Variants in PCCA observed in about 807,000 individuals in gnomAD.
PCCA encodes the protein propionyl-CoA carboxylase subunit alpha.
In PCCA, 74 loss-of-function variants were observed where a neutral mutation model predicts 101.3. The ratio of observed to expected loss-of-function variants is 0.73; its 90% confidence interval spans 0.61 to 0.89. PCCA has a LOEUF of 0.89. PCCA is among the 40% of genes least tolerant of loss of function. PCCA has a pLI of 0.00. For missense variants in PCCA, 891 were observed against 907.0 expected, an observed-to-expected ratio of 0.98 and a Z score of 0.23; for synonymous variants, 294 against 313.6, an observed-to-expected ratio of 0.94 and a Z score of 0.66.
intron 21 of PCCA, among the ~76,000 whole-genome samples, chr13:100,485,046 T>C (rs1190069954): frequency 2.6e-5 from 4 of 152,168 alleles, no homozygotes; most frequent in African/African-American, 7.2e-5. Flanking sequence ...TCCTGCCCTC[T>C]CTCTCTCTCT....
chr13:100,147,531 A>G (rs2052730741), intron 4 of PCCA, among the ~76,000 whole-genome samples: 1 of 152,180 alleles, frequency 6.6e-6, no homozygotes, highest in South Asian at 2.1e-4. Context: ...TTCAGTGGAG[A>G]TTATTTCCCA....
At chr13:100,525,515 G>A (rs1480488417) in intron 22 of PCCA, among the ~76,000 whole-genome samples, 1 of 152,248 alleles carries the variant, frequency 6.6e-6, no homozygotes, top group Non-Finnish European at 1.5e-5. Flanking sequence ...TAGAGCTGTA[G>A]CCAGGTCAGG....
intron 19 of PCCA, among the ~76,000 whole-genome samples, chr13:100,410,559 G>T (rs545993301): frequency 6.6e-6 from 1 of 152,306 alleles, no homozygotes; most frequent in South Asian, 2.1e-4. Flanking sequence ...AAATTGTAAA[G>T]TCTACACACA....
At chr13:100,501,463 A>C (rs1176849562) in intron 21 of PCCA, among the ~76,000 whole-genome samples, 1 of 152,202 alleles carries the variant, frequency 6.6e-6, no homozygotes, top group East Asian at 1.9e-4. Flanking sequence ...AAGCCTTCTC[A>C]TGGACATGAG....
Position 100,340,170 on chromosome 13 carries a change from C to G in PCCA, c.1554C>G (p.Thr518=). ...GATTTCCCTCAGGACACATGCTAAC[C>G]AAGAGTGAGAAGAACCAGTTATTGG... ...YPDGFKGHML[T]KSEKNQLLAI... is the part of the protein sequence containing the mutation. Residue 518 remains threonine, a synonymous_variant, in exon 18 of 24, where the codon ACC becomes ACG. Transcript: ENST00000376285. 2 of 1,591,212 alleles carry G rather than the reference C, an allele frequency of 1.3e-6. No homozygotes were observed. The highest frequency in any genetic ancestry group is 1.7e-6 in the Non-Finnish European group (2 of 1,159,110).
intron 21 of PCCA, among the ~76,000 whole-genome samples, chr13:100,465,501 T>C (rs1330380322): frequency 6.6e-6 from 1 of 152,256 alleles, no homozygotes; most frequent in Non-Finnish European, 1.5e-5. Flanking sequence ...AGTTTACTTA[T>C]CATCTGTATA....
chr13:100,194,111 T>C (rs1474466790), intron 6 of PCCA, among the ~76,000 whole-genome samples: 1 of 152,024 alleles, frequency 6.6e-6, no homozygotes, highest in East Asian at 1.9e-4. Flanking sequence ...TATTTTAATA[T>C]TTTGCTCAGT....
At chr13:100,186,665 A>G (rs2057291946) in intron 6 of PCCA, among the ~76,000 whole-genome samples, 1 of 147,518 alleles carries the variant, frequency 6.8e-6, no homozygotes, top group Admixed American at 7.0e-5. Context: ...TCACTTGAAC[A>G]GGGAGGTGGA....
intron 16 of PCCA, among the ~76,000 whole-genome samples, chr13:100,319,287 C>T (rs2067735927): frequency 6.6e-6 from 1 of 151,986 alleles, no homozygotes; most frequent in Admixed American, 6.6e-5. Flanking sequence ...CTGTAGGTTG[C>T]CTGTTCACTC....
chr13:100,239,053 A>G (rs550053319), intron 8 of PCCA, among the ~76,000 whole-genome samples: 1 of 152,190 alleles, frequency 6.6e-6, no homozygotes, highest in Non-Finnish European at 1.5e-5. Context: ...ACATTAATCT[A>G]TGCTGCCAAA....
rs1276880299 is a variant in PCCA at position 100,268,549 on chromosome 13, A to C, written c.820-140A>C. ...TAGTTTTCCTTTGTTAACATGAATC[A>C]AAATAATGTTTTGAGAGGTATGTAT... On this transcript the variant is annotated intron_variant, in intron 10 of 23. Transcript: ENST00000376285. 1.2e-5 allele frequency: 9 copies of C among 750,750 alleles called. No individual in the cohort carries two copies. The African/African-American group carries it at 1.4e-4, about 11-fold the overall frequency. 46.5% of individuals were successfully genotyped at this position (750,750 alleles called of 1,614,324 possible).
intron 4 of PCCA, among the ~76,000 whole-genome samples, chr13:100,115,636 C>T (rs2048729775): frequency 6.6e-6 from 1 of 152,074 alleles, no homozygotes; most frequent in African/African-American, 2.4e-5. Flanking sequence ...AATGTAGATG[C>T]AGTACATTAC....
chr13:100,275,300 G>A (rs1355802047), intron 12 of PCCA, among the ~76,000 whole-genome samples: 2 of 152,118 alleles, frequency 1.3e-5, no homozygotes, highest in African/African-American at 4.8e-5. Context: ...GTGCAGGAGG[G>A]CTGTTTTCTG....
At chr13:100,105,916 G>A (rs946073477) in intron 2 of PCCA, among the ~76,000 whole-genome samples, 2 of 150,100 alleles carry the variant, frequency 1.3e-5, no homozygotes, top group Non-Finnish European at 3.0e-5. Context: ...TGTCATTGAG[G>A]AAGTTTGTGG....
intron 8 of PCCA, among the ~76,000 whole-genome samples, chr13:100,244,804 A>G (rs957407829): frequency 1.3e-5 from 2 of 152,062 alleles, no homozygotes; most frequent in Admixed American, 6.6e-5. Flanking sequence ...AAATAGTGTC[A>G]TGTATTGGTT....
chr13:100,200,590 G>A (rs1594693937), intron 6 of PCCA, among the ~76,000 whole-genome samples: 2 of 150,598 alleles, frequency 1.3e-5, no homozygotes, highest in Admixed American at 1.3e-4. Context: ...TACGTTTTAT[G>A]TTATATATGT....
intron 19 of PCCA, among the ~76,000 whole-genome samples, chr13:100,412,118 A>C (rs1176715694): frequency 6.6e-6 from 1 of 152,172 alleles, no homozygotes; most frequent in African/African-American, 2.4e-5. Context: ...TTAATAGTAA[A>C]TTCCTGTTTT....
rs998213044 is a variant in PCCA, at chr13:100,394,354, T to C, written c.1746+25780T>C. Among the ~76,000 whole-genome samples, 2 of 152,200 alleles carry C rather than the reference T, an allele frequency of 1.3e-5. No individual in the cohort carries two copies. Among genetic ancestry groups the C allele is most frequent in the Non-Finnish European group, 2.9e-5 (2 of 68,028 alleles). ...AGACCTTATGTTTATACAACTGTTA[T>C]TATTAAGAAAACACAGCTTTCTTCA... On this transcript the variant is annotated intron_variant, in intron 19 of 23. Coordinates refer to ENST00000376285, the MANE Select transcript of PCCA (RefSeq NM_000282.4). The surrounding 1 kb of genome is among the most constrained non-coding windows in gnomAD (Gnocchi z 4.3).
intron 19 of PCCA, among the ~76,000 whole-genome samples, chr13:100,421,412 A>T (rs1245638072): frequency 1.3e-5 from 2 of 152,206 alleles, no homozygotes; most frequent in Non-Finnish European, 2.9e-5. Flanking sequence ...CACACTGTAT[A>T]CACTATTCTG....
Sources: allele counts gnomAD v4.1 joint callset (sites outside exome capture counted in the v4.1 genomes callset), GRCh38; gene constraint gnomAD v4.1.1; non-coding constraint Gnocchi (gnomAD v3.1); transcripts MANE v1.5; gene names NCBI Gene and HGNC (gene_info 2026-07-23, HGNC 2026-07-21).